The following TRPM3 variants were observed in gnomAD, a reference collection of about 807,000 sequenced individuals.
The protein encoded by TRPM3 is transient receptor potential cation channel subfamily M member 3, also known as long transient receptor potential channel 3.
TRPM3 carries 77 observed loss-of-function variants against 181.2 expected under a neutral mutation model. That is an observed-to-expected ratio of 0.42 (90% CI 0.35 to 0.51). The LOEUF is 0.51. TRPM3 is among the 20% of genes least tolerant of loss of function. The probability of loss-of-function intolerance (pLI) is 0.01; values close to 1 mark genes in which losing one functional copy is unlikely to be tolerated. For missense variants in TRPM3, 1,759 were observed against 2,196.7 expected, an observed-to-expected ratio of 0.80 and a Z score of 3.98; for synonymous variants, 745 against 796.4, an observed-to-expected ratio of 0.94 and a Z score of 1.09.
intron 1 of TRPM3, among the ~76,000 whole-genome samples, chr9:71,176,853 A>C (rs2077128639): frequency 6.6e-6 from 1 of 152,162 alleles, no homozygotes; most frequent in South Asian, 2.1e-4. Context: ...TACAGTACCC[A>C]GTACTGTAAC....
intron 12 of TRPM3, among the ~76,000 whole-genome samples, chr9:70,628,137 C>T (rs1038644807): frequency 1.2e-4 from 19 of 152,212 alleles, no homozygotes; most frequent in African/African-American, 4.3e-4. Flanking sequence ...CTTTGGCTTT[C>T]CTGGACTGTT....
rs2082474128 is a variant in TRPM3 at position 70,781,581 on chromosome 9, A to C, written c.1148+2524T>G. 2.0e-5 allele frequency among the ~76,000 whole-genome samples: 3 copies of C among 152,190 alleles called. No individual in the cohort carries two copies. The South Asian group carries it at 6.2e-4, about 32-fold the overall frequency. ...AAGTGCATTTGAATATTTACAAAAC[A>C]ATATCACTGAAGTACTATATGAGGA... On this transcript the variant is annotated intron_variant, in intron 7 of 25. Transcript: ENST00000677713.
chr9:70,571,733 G>A (rs2052451584), intron 22 of TRPM3, among the ~76,000 whole-genome samples: 1 of 152,104 alleles, frequency 6.6e-6, no homozygotes, highest in Non-Finnish European at 1.5e-5. Context: ...ACACATGTAG[G>A]ACAGTGCTTG....
intron 1 of TRPM3, among the ~76,000 whole-genome samples, chr9:70,973,188 T>C (rs1306610498): frequency 6.6e-6 from 1 of 152,214 alleles, no homozygotes; most frequent in Non-Finnish European, 1.5e-5. Context: ...GACTTTCTTA[T>C]CACAATAATT....
chr9:71,420,989 G>GAGAGAGAAAAAA (rs2093757537), intron 1 of TRPM3, among the ~76,000 whole-genome samples: 3 of 101,804 alleles, frequency 2.9e-5, no homozygotes, highest in Non-Finnish European at 2.0e-5. Flanking sequence ...GAGAGAAAAA[G>GAGAGAGAAAAAA]AGAGAGAAAA....
rs1453050096 is a variant in TRPM3, at chr9:70,536,825, C to T, written c.4288G>A (p.Asp1430Asn). 1 of 1,614,088 alleles carries T rather than the reference C, an allele frequency of 6.2e-7. No homozygotes were observed. Among genetic ancestry groups the T allele is most frequent in the South Asian group, 1.1e-5 (1 of 91,076 alleles). The change falls in exon 26 of 26, where the codon GAC becomes AAC. Residue 1430 changes from aspartate to asparagine, a missense_variant. Transcript: ENST00000677713. Reference sequence around the variant, plus strand: ...AGCCCAAGGATGTTCACGGAATTGTCCAGAGGGTCTATATCACAGTGGAGC... The same window carrying T: ...AGCCCAAGGATGTTCACGGAATTGTTCAGAGGGTCTATATCACAGTGGAGC... ...DELHCDIDPL[D>N]NSVNILGLGE...
At chr9:70,637,410 G>T (rs889807502) in intron 11 of TRPM3, among the ~76,000 whole-genome samples, 1 of 152,136 alleles carries the variant, frequency 6.6e-6, no homozygotes, top group South Asian at 2.1e-4. Context: ...GCAGACTGAA[G>T]TGATCAAACT....
intron 1 of TRPM3, among the ~76,000 whole-genome samples, chr9:71,267,872 C>T (rs1245717828): frequency 6.6e-6 from 1 of 152,046 alleles, no homozygotes; most frequent in Admixed American, 6.6e-5. Flanking sequence ...CTCAGATCTT[C>T]CTGGCTACTG....
intron 1 of TRPM3, among the ~76,000 whole-genome samples, chr9:71,389,531 C>T (rs1311964669): frequency 5.9e-5 from 9 of 152,090 alleles, no homozygotes; most frequent in African/African-American, 7.2e-5. Context: ...TACTTGCACA[C>T]GCAGGTTTAT....
intron 1 of TRPM3, among the ~76,000 whole-genome samples, chr9:70,902,388 G>A (rs955471357): frequency 3.3e-5 from 5 of 152,172 alleles, no homozygotes; most frequent in Non-Finnish European, 5.9e-5. Flanking sequence ...CTGTACATAT[G>A]TGATAAATGC....
chr9:70,598,543 T>C lies in TRPM3; in HGVS notation c.2924A>G (p.Gln975Arg), dbSNP rs758837061. Residue 975 changes from glutamine (Q) to arginine (R), a missense_variant, in exon 21 of 26, where the codon CAG (glutamine) becomes CGG (arginine). Gln to Arg is a conservative substitution (Grantham distance 43). Coordinates refer to ENST00000677713, the MANE Select transcript of TRPM3 (RefSeq NM_001366145.2). ...SVGMILRLQD[Q>R]PFRSDGRVIY... is the part of the protein sequence containing the mutation. Reference sequence around the variant, plus strand: ...GACCCTCCCGTCACTCCTGAAGGGCTGGTCTTGGAGACGAAGGATCATTCC... The same window carrying C: ...GACCCTCCCGTCACTCCTGAAGGGCCGGTCTTGGAGACGAAGGATCATTCC... 6.2e-7 allele frequency: 1 copy of C among 1,614,228 alleles called. No homozygotes were observed. Among genetic ancestry groups the C allele is most frequent in the East Asian group, 2.2e-5 (1 of 44,892 alleles).
At chr9:71,222,922 G>A (rs1347426961) in intron 1 of TRPM3, among the ~76,000 whole-genome samples, 2 of 152,306 alleles carry the variant, frequency 1.3e-5, no homozygotes, top group East Asian at 1.9e-4. Flanking sequence ...TCACCACCAT[G>A]GGATAAAGTG....
chr9:71,298,725 T>A (rs1360066342), intron 1 of TRPM3, among the ~76,000 whole-genome samples: 1 of 152,010 alleles, frequency 6.6e-6, no homozygotes, highest in East Asian at 1.9e-4. Flanking sequence ...CTCCACACTC[T>A]CTCTCAATCT....
chr9:71,316,827 G>T (rs1396662199), intron 1 of TRPM3, among the ~76,000 whole-genome samples: 1 of 152,050 alleles, frequency 6.6e-6, no homozygotes, highest in Non-Finnish European at 1.5e-5. Flanking sequence ...AACAGCAAAA[G>T]AAAATTGATA....
chr9:70,575,740 T>C (rs1177622391), intron 22 of TRPM3, among the ~76,000 whole-genome samples: 3 of 152,192 alleles, frequency 2.0e-5, no homozygotes, highest in Non-Finnish European at 4.4e-5. Context: ...ACAGTTTGAG[T>C]AACTTGCCCA....
chr9:71,101,146 T>C (rs567252142), intron 1 of TRPM3, among the ~76,000 whole-genome samples: 1 of 152,322 alleles, frequency 6.6e-6, no homozygotes, highest in South Asian at 2.1e-4. Context: ...TCTGACTAAC[T>C]CATTTACTCA....
intron 1 of TRPM3, among the ~76,000 whole-genome samples, chr9:71,255,877 C>A (rs758700337): frequency 1.2e-4 from 18 of 152,164 alleles, no homozygotes; most frequent in Non-Finnish European, 2.4e-4. Flanking sequence ...GCCAACTCTG[C>A]AGCTTCTTAT....
At position 70,777,937 on chromosome 9, in the gene TRPM3, G is replaced by A. The variant is rs140321817; in HGVS notation, c.1148+6168C>T. ...GATTAATATATATACTTATGTATAC[G>A]TAAAGTAATCTTATTGGATTAATTT... On this transcript the variant is annotated intron_variant, in intron 7 of 25. Coordinates refer to ENST00000677713, the MANE Select transcript of TRPM3 (RefSeq NM_001366145.2). Among the ~76,000 whole-genome samples the A allele has an allele frequency of 6.6e-3, 998 of 151,648 alleles. 16 individuals are homozygous for A. The highest frequency in any genetic ancestry group is 0.023 in the African/African-American group (943 of 41,310).
intron 1 of TRPM3, among the ~76,000 whole-genome samples, chr9:70,908,986 G>A (rs1589700249): frequency 6.6e-6 from 1 of 152,166 alleles, no homozygotes; most frequent in Non-Finnish European, 1.5e-5. Flanking sequence ...ATATAAATGG[G>A]AAATGGGAAA....
Sources: allele counts gnomAD v4.1 joint callset (sites outside exome capture counted in the v4.1 genomes callset), GRCh38; gene constraint gnomAD v4.1.1; transcripts MANE v1.5; gene names NCBI Gene and HGNC (gene_info 2026-07-23, HGNC 2026-07-21).